PAN2: variants seen among roughly 807,000 people sequenced by gnomAD.
PAN2 encodes poly(A) specific ribonuclease subunit PAN2.
Under a neutral mutation model 133.3 loss-of-function variants are expected in PAN2, and 68 were observed. The observed-to-expected ratio is 0.51, with a 90% CI of 0.42 to 0.62. The LOEUF is 0.62. Ranked by LOEUF, PAN2 falls within the 20% of genes least tolerant of loss-of-function variation. The pLI is 0.00. For missense variants in PAN2, 1,042 were observed against 1,500.5 expected, an observed-to-expected ratio of 0.69 and a Z score of 5.05; for synonymous variants, 462 against 544.6, an observed-to-expected ratio of 0.85 and a Z score of 2.11.
chr12:56,327,864 G>A (rs2135985098), intron 5 of PAN2, 131 bp downstream of exon 5: 1 of 1,447,436 alleles, frequency 6.9e-7, no homozygotes. Flanking sequence ...TCACTGAGTA[G>A]GAAGTGAATT....
chr12:56,330,724 C>T (rs1875733061), intron 2 of PAN2, among the ~76,000 whole-genome samples: 1 of 152,086 alleles, frequency 6.6e-6, no homozygotes, highest in African/African-American at 2.4e-5. Context: ...AACTCTTAGG[C>T]TCAAGCAACC....
chr12:56,318,491 T>C lies in PAN2; in HGVS notation c.3365-57A>G, dbSNP rs1024515518. ...CCCAGCAAAGGGAGGTAGGAACATG[T>C]CTCCCCACTCCTACCTGACTCCAGA... On this transcript the variant is annotated intron_variant, in intron 24 of 25. Coordinates refer to ENST00000440411, the MANE Select transcript of PAN2 (RefSeq NM_014871.6). 8.8e-5 allele frequency: 118 copies of C among 1,335,238 alleles called. 1 individual carries two copies. The highest frequency in any genetic ancestry group is 1.2e-4 in the Non-Finnish European group (111 of 930,846). 82.7% of individuals were successfully genotyped at this position (1,335,238 alleles called of 1,614,324 possible).
chr12:56,328,103 A>G, intron 4 of PAN2, 31 bp from the exon 5 acceptor site: 2 of 1,612,452 alleles, frequency 1.2e-6, no homozygotes, highest in Admixed American at 1.7e-5. Flanking sequence ...AACCAGTGAG[A>G]AGAATGATTT....
Position 56,324,453 on chromosome 12 carries a change from G to T in PAN2, c.1769C>A (p.Ala590Asp). The T allele has an allele frequency of 6.2e-7, 1 of 1,614,210 alleles. No individual in the cohort carries two copies. The highest frequency in any genetic ancestry group is 1.1e-5 in the South Asian group (1 of 91,082). Residue 590 changes from alanine to aspartate, a missense_variant, in exon 12 of 26, where the codon GCC becomes GAC. Around this residue, in one of 3 missense-constraint regions of PAN2, gnomAD observed 908 missense variants for 1,223.5 expected, o/e 0.74. Coordinates refer to ENST00000440411, the MANE Select transcript of PAN2 (RefSeq NM_014871.6). ...FLRAFRTIPE[A>D]SALGLILADS... ...AGCCAGGATTAGACCGAGGGCTGAG[G>T]CCTCAGGAATAGTACGGAATGCCCG... is the stretch of plus-strand genomic sequence containing the variant.
chr12:56,321,560 AT>A (rs1487752448), intron 20 of PAN2, among the ~76,000 whole-genome samples: 9 of 78,360 alleles, frequency 1.1e-4, no homozygotes, highest in Non-Finnish European at 1.8e-4. Flanking sequence ...AAAAAAAAAA[AT>A]TTTTTTAGGC....
chr12:56,323,590 G>A lies in PAN2; in HGVS notation c.2181C>T (p.Thr727=), dbSNP rs760489042. The part of the protein sequence containing the change: ...TCEKYQPTIQ[T]RNIRHLPDIL... ...TATCTGGCAGATGGCGGATGTTGCG[G>A]GTCTGAATCTGAGAGGAAGAAACAA... Residue 727 remains threonine (T), a synonymous_variant, in exon 15 of 26, where the codon ACC becomes ACT. Transcript: ENST00000440411. 1.2e-6 allele frequency: 2 copies of A among 1,613,818 alleles called. No individual in the cohort carries two copies. The highest frequency in any genetic ancestry group is 1.7e-5 in the Admixed American group (1 of 60,006).
rs896295706 is a variant in PAN2, at chr12:56,317,163, C to CT, written c.*445dup. ...CTGGTTTGCTTGGGCCACCAACACT[C>CT]TACTTGCTGGCCCCTCCAGGTATCC... On this transcript the variant is annotated 3_prime_UTR_variant, in exon 26 of 26. Transcript: ENST00000440411. 1 of 157,268 alleles carries CT rather than the reference C, an allele frequency of 6.4e-6. No individual in the cohort carries two copies. The highest frequency in any genetic ancestry group is 2.4e-5 in the African/African-American group (1 of 41,556). 9.7% of individuals were successfully genotyped at this position (157,268 alleles called of 1,614,324 possible).
chr12:56,322,149 T>C lies in PAN2; in HGVS notation c.2717A>G (p.Asp906Gly), dbSNP rs905352226. The C allele has an allele frequency of 6.2e-7, 1 of 1,605,148 alleles. No individual in the cohort carries two copies. The highest frequency in any genetic ancestry group is 1.1e-5 in the South Asian group (1 of 90,894). Reference protein sequence around the residue: ...PIDKHEAVQFDMNWKVPAILY... With the variant: ...PIDKHEAVQFGMNWKVPAILY... ...GATTGCAGGTACTTTCCAATTCATGTCAAACTGCACAGCTTCATGCTATAG... is the reference window on the plus strand; with the variant it reads ...GATTGCAGGTACTTTCCAATTCATGCCAAACTGCACAGCTTCATGCTATAG... Residue 906 changes from aspartate (D) to glycine (G), a missense_variant, in exon 20 of 26, where the codon GAC becomes GGC. Around this residue, in one of 3 missense-constraint regions of PAN2, gnomAD observed 908 missense variants for 1,223.5 expected, o/e 0.74. Transcript: ENST00000440411.
At position 56,324,094 on chromosome 12, in the gene PAN2, C is replaced by T. The variant is rs754158169; in HGVS notation, c.2020G>A (p.Val674Met). ...CSLCRCGSET[V>M]RASSTLLFTL... ...AAAAGCAGAGTGGATGAGGCTCGCACGGTCTCACTGCCACAGCGGCAGAGG... is the reference window on the plus strand; with the variant it reads ...AAAAGCAGAGTGGATGAGGCTCGCATGGTCTCACTGCCACAGCGGCAGAGG... Residue 674 changes from valine (V) to methionine (M), a missense_variant, in exon 13 of 26, where the codon GTG becomes ATG. Physicochemically the swap from Val to Met is conservative, Grantham distance 21 (BLOSUM62 1). Transcript: ENST00000440411. 18 of 1,614,162 alleles carry T rather than the reference C, an allele frequency of 1.1e-5. No individual in the cohort carries two copies. The highest frequency in any genetic ancestry group is 1.4e-5 in the Non-Finnish European group (16 of 1,180,026).
rs746743064 is a variant in PAN2, at chr12:56,328,305, A to G, written c.506T>C (p.Leu169Pro). 1 of 1,609,958 alleles carries G rather than the reference A, an allele frequency of 6.2e-7. No individual in the cohort carries two copies. The highest frequency in any genetic ancestry group is 8.5e-7 in the Non-Finnish European group (1 of 1,177,622). ...HSLLLTDSST[L>P]LVGGLQNHII... ...GTGATTCTGCAGCCCACCAACGAGT[A>G]GAGTGCTGCTGTCAGTCAGTAGGAG... Residue 169 changes from leucine (L) to proline (P), a missense_variant, in exon 4 of 26, where the codon CTA becomes CCA. This residue lies in a region of PAN2 where 908 missense variants were observed against 1,223.5 expected (regional missense o/e 0.74). Coordinates refer to ENST00000440411, the MANE Select transcript of PAN2 (RefSeq NM_014871.6).
rs1874810627 is a variant in PAN2, at chr12:56,323,680, A to C, written c.2173-82T>G. ...ACAGGGACCTGGGTCTGCGTCTTCA[A>C]ACTGGGATTCCTCACTCCACCAGAG... On this transcript the variant is annotated intron_variant, in intron 14 of 25. Coordinates refer to ENST00000440411, the MANE Select transcript of PAN2 (RefSeq NM_014871.6). 6 of 1,467,468 alleles carry C rather than the reference A, an allele frequency of 4.1e-6. No individual in the cohort carries two copies. The East Asian group carries it at 1.4e-4, about 33-fold the overall frequency. 90.9% of individuals were successfully genotyped at this position (1,467,468 alleles called of 1,614,324 possible). A position where few individuals can be genotyped will look rare whatever the true frequency, so the allele number is the denominator to read the frequency against.
In PAN2 at chr12:56,318,419, C is replaced by T. The variant is rs761667827; in HGVS notation, c.3380G>A (p.Gly1127Glu). The change falls in exon 25 of 26, where the codon GGG becomes GAG. Residue 1127 changes from glycine to glutamate, a missense_variant. By Grantham distance (98) the Gly-to-Glu change is moderately conservative. This residue lies in a region of PAN2 where 85 missense variants were observed against 116.5 expected (regional missense o/e 0.73). Coordinates refer to ENST00000440411, the MANE Select transcript of PAN2 (RefSeq NM_014871.6). ...ATCCTCAATACTGTCATGGGTTTCC[C>T]CTTGAATCTTCAGGTCTGGGGTAAG... Reference protein sequence around the residue: ...AWYFLDLKIQGETHDSIEDAR... With the variant: ...AWYFLDLKIQEETHDSIEDAR... The T allele has an allele frequency of 3.1e-6, 5 of 1,613,782 alleles. No individual in the cohort carries two copies. The African/African-American group carries it at 6.7e-5, about 22-fold the overall frequency.
At chr12:56,318,032 C>A (rs970601914) in intron 25 of PAN2, among the ~76,000 whole-genome samples, 6 of 152,078 alleles carry the variant, frequency 3.9e-5, no homozygotes, top group African/African-American at 1.4e-4. Flanking sequence ...CAAAAATTAG[C>A]TGGGTGTGGT....
intron 20 of PAN2, among the ~76,000 whole-genome samples, chr12:56,321,068 A>T (rs1487280551): frequency 6.6e-6 from 1 of 151,220 alleles, no homozygotes. Flanking sequence ...CTGTCCAAAA[A>T]AAAAAAAAAA....
At chr12:56,322,053 C>T (rs1197899703) in intron 20 of PAN2, 25 bp downstream of exon 20, 1 of 1,303,730 alleles carries the variant, frequency 7.7e-7, no homozygotes, top group South Asian at 1.2e-5. Flanking sequence ...TGTCCACACA[C>T]TTGGGTCTAC....
rs370388858 is a variant in PAN2 at position 56,319,524 on chromosome 12, G to A, written c.3091-37C>T. 6 of 1,597,944 alleles carry A rather than the reference G, an allele frequency of 3.8e-6. No individual in the cohort carries two copies. The highest frequency in any genetic ancestry group is 1.7e-5 in the Admixed American group (1 of 58,080). ...GAAAAGGACAAGCCTTTTTCAGGAA[G>A]TGAGATGGAGTCTTCCCCTATCACT... is the stretch of plus-strand genomic sequence containing the variant. On this transcript the variant is annotated intron_variant, in intron 22 of 25. Coordinates refer to ENST00000440411, the MANE Select transcript of PAN2 (RefSeq NM_014871.6). This position sits in a 1 kb window ranked among gnomAD's most constrained non-coding sequence, Gnocchi z 5.4.
intron 6 of PAN2, 48 bp downstream of exon 6, chr12:56,327,316 T>C (rs775998432): frequency 1.3e-6 from 2 of 1,593,678 alleles, no homozygotes; most frequent in South Asian, 2.2e-5. Context: ...GTTCTAGCTC[T>C]CCTTTGCTCA....
At position 56,319,016 on chromosome 12, in the gene PAN2, A is replaced by C. The variant is rs185966267; in HGVS notation, c.3364+72T>G. On this transcript the variant is annotated intron_variant, in intron 24 of 25. Coordinates refer to ENST00000440411, the MANE Select transcript of PAN2 (RefSeq NM_014871.6). This position sits in a 1 kb window ranked among gnomAD's most constrained non-coding sequence, Gnocchi z 5.4. ...CTCCATCCATGTTGCCGCAAAGAAC[A>C]TGATTTCTTTTTTTTTAAATGGCTG... 4 of 1,452,240 alleles carry C rather than the reference A, an allele frequency of 2.8e-6. No individual in the cohort carries two copies. The allele number at this position is 1,452,240 out of a possible 1,614,324, so 90.0% of individuals were successfully genotyped here.
intron 5 of PAN2, 54 bp from the exon 6 acceptor site, chr12:56,327,685 G>A: frequency 6.3e-7 from 1 of 1,581,378 alleles, no homozygotes; most frequent in Non-Finnish European, 8.7e-7. Flanking sequence ...AAAAATACCT[G>A]CCACCTACCT....
Sources: allele counts gnomAD v4.1 joint callset (sites outside exome capture counted in the v4.1 genomes callset), GRCh38; gene constraint gnomAD v4.1.1; regional missense constraint gnomAD v4.1.1; non-coding constraint Gnocchi (gnomAD v3.1); transcripts MANE v1.5; gene names NCBI Gene and HGNC (gene_info 2026-07-23, HGNC 2026-07-21).